The following OGT variants were observed in gnomAD, a reference collection of about 807,000 sequenced individuals.
OGT encodes UDP-N-acetylglucosamine--peptide N-acetylglucosaminyltransferase 110 kDa subunit.
Under a neutral mutation model 75.8 loss-of-function variants are expected in OGT, and 3 were observed. That is an observed-to-expected ratio of 0.04 (90% CI 0.02 to 0.10). The LOEUF is 0.10. OGT is among the 10% of genes least tolerant of loss of function. The probability of loss-of-function intolerance (pLI) is 1.00; values close to 1 mark genes in which losing one functional copy is unlikely to be tolerated. For synonymous variants in OGT, 257 were observed against 289.7 expected (o/e 0.89, Z 1.15); for missense variants, 260 against 824.4 (o/e 0.32, Z 8.38).
intron 4 of OGT, chrX:71,547,035 G>C (rs1355658345): frequency 4.0e-6 from 3 of 753,547 alleles, no homozygotes; most frequent in Non-Finnish European, 3.1e-6. Context: ...GTTCTATGTA[G>C]CGCAGCAGTT....
Position 71,567,907 on chromosome X carries a change from C to T in OGT, c.2843-86C>T, listed in dbSNP as rs190025905. The T allele has an allele frequency of 8.7e-5, 95 of 1,097,584 alleles. No individual in the cohort carries two copies. In the Admixed American group the frequency reaches 2.3e-3, roughly 26 times the overall value. The allele number at this position is 1,097,584 out of a possible 1,213,427, so 90.5% of individuals were successfully genotyped here. On this transcript the variant is annotated intron_variant, in intron 20 of 21. Coordinates refer to ENST00000373719, the MANE Select transcript of OGT (RefSeq NM_181672.3). ...GTTCTCACTTCATTCTCTTCATCTG[C>T]GTTGTGTGGAGGCTTAACATAAATA...
At chrX:71,560,744 CTT>C (rs1453028706) in intron 14 of OGT, among the ~76,000 whole-genome samples, 3 of 111,439 alleles carry the variant, frequency 2.7e-5, no homozygotes, top group East Asian at 5.6e-4. Context: ...CAGTTGGACT[CTT>C]TGTGACCAAG....
chrX:71,568,745 T>C (rs1023904847), intron 21 of OGT, among the ~76,000 whole-genome samples: 4 of 109,798 alleles, frequency 3.6e-5, no homozygotes, highest in Non-Finnish European at 5.7e-5. Flanking sequence ...GGAGAATCGC[T>C]TGAACCCGGG....
At chrX:71,550,448 A>G (rs774365440) in intron 5 of OGT, among the ~76,000 whole-genome samples, 1 of 111,305 alleles carries the variant, frequency 9.0e-6, no homozygotes, top group South Asian at 3.8e-4. Context: ...CAGTGGCGCC[A>G]TAATAGCTCA....
At position 71,540,137 on chromosome X, in the gene OGT, A is replaced by G. The variant is rs1322960654; in HGVS notation, c.462+2065A>G. On this transcript the variant is annotated intron_variant, in intron 3 of 21. Transcript: ENST00000373719. Reference sequence around the variant, plus strand: ...TTCTTCTAGTGGAAGGTGCTGCTTTACTTATTTATTACTGTTTTTACCAAT... The same window carrying G: ...TTCTTCTAGTGGAAGGTGCTGCTTTGCTTATTTATTACTGTTTTTACCAAT... Among the ~76,000 whole-genome samples, 6 of 112,476 alleles carry G rather than the reference A, an allele frequency of 5.3e-5. No homozygotes were observed. The Admixed American group carries it at 5.7e-4, about 11-fold the overall frequency.
At chrX:71,560,486 C>T (rs1602150956) in intron 14 of OGT, among the ~76,000 whole-genome samples, 1 of 110,203 alleles carries the variant, frequency 9.1e-6, no homozygotes, top group East Asian at 2.9e-4. Context: ...CTCTATTAGC[C>T]ACTTTGACTA....
chrX:71,544,260 G>T (rs2040244804), intron 3 of OGT, among the ~76,000 whole-genome samples: 1 of 111,933 alleles, frequency 8.9e-6, no homozygotes, highest in South Asian at 3.6e-4. Context: ...GTCTGGAGCA[G>T]CACCTTTTAG....
chrX:71,555,470 C>A (rs1436661773), intron 7 of OGT, 85 bp downstream of exon 7: 2 of 888,222 alleles, frequency 2.3e-6, no homozygotes, highest in Non-Finnish European at 3.2e-6. Flanking sequence ...ACTTGTAATG[C>A]CAGCACTTCG....
chrX:71,541,701 G>T (rs1448260213), intron 3 of OGT, among the ~76,000 whole-genome samples: 1 of 110,784 alleles, frequency 9.0e-6, no homozygotes, highest in Non-Finnish European at 1.9e-5. Flanking sequence ...GATTTATAAA[G>T]AATAGAGAGG....
chrX:71,553,252 C>T (rs775078873), intron 5 of OGT, among the ~76,000 whole-genome samples: 315 of 111,005 alleles, frequency 2.8e-3, no homozygotes, highest in Non-Finnish European at 5.1e-3. Context: ...CCACCATGCC[C>T]GGCTAATTTT....
intron 21 of OGT, 75 bp from the exon 22 acceptor site, chrX:71,573,545 A>G: frequency 2.1e-6 from 2 of 935,500 alleles, no homozygotes; most frequent in Non-Finnish European, 2.9e-6. Flanking sequence ...CACAAATGCG[A>G]CTAGGTATTT....
At chrX:71,556,353 G>A (rs1231221307) in intron 8 of OGT, 1 of 383,548 alleles carries the variant, frequency 2.6e-6, no homozygotes, top group African/African-American at 2.5e-5. Context: ...TTCAAGAGAA[G>A]TTACTTATAA....
rs995295386 is a variant in OGT at position 71,559,253 on chromosome X, G to A, written c.1603-14G>A. ...ATGTAGATTTTACTAACAAGCATTG[G>A]ATTCTGTTGATAGATTAATGTTCTT... On this transcript the variant is annotated splice_polypyrimidine_tract_variant and intron_variant, in intron 12 of 21. Transcript: ENST00000373719. The A allele has an allele frequency of 1.7e-6, 2 of 1,195,295 alleles. No individual in the cohort carries two copies. Among genetic ancestry groups the A allele is most frequent in the Non-Finnish European group, 2.3e-6 (2 of 886,617 alleles).
At chrX:71,557,775 A>G in intron 12 of OGT, 103 bp downstream of exon 12, 3 of 729,239 alleles carry the variant, frequency 4.1e-6, no homozygotes, top group South Asian at 6.2e-5. Flanking sequence ...TAAAGTGAAC[A>G]CCACCCAAGT....
intron 21 of OGT, 32 bp downstream of exon 21, chrX:71,568,148 GGTAAA>G (rs1161307314): frequency 8.9e-7 from 1 of 1,128,799 alleles, no homozygotes; most frequent in Non-Finnish European, 1.2e-6. Flanking sequence ...CAAATTATTT[GGTAAA>G]GTAGAGAGAA....
chrX:71,537,865 C>T lies in OGT; in HGVS notation c.255C>T (p.Asn85=), dbSNP rs1463640034. The T allele has an allele frequency of 8.3e-7, 1 of 1,211,692 alleles. No individual in the cohort carries two copies. The highest frequency in any genetic ancestry group is 1.8e-5 in the South Asian group (1 of 57,015). Residue 85 remains asparagine (N), a synonymous_variant, in exon 3 of 22, where the codon AAC becomes AAT. Transcript: ENST00000373719. ...TTAGCACTCTGGCAATTAAACAGAA[C>T]CCCCTTCTGGCAGAAGCTTATTCGA... ...AHFSTLAIKQ[N]PLLAEAYSNL... is the part of the protein sequence containing the mutation.
At chrX:71,562,310 T>G (rs1180255035) in intron 15 of OGT, among the ~76,000 whole-genome samples, 1 of 112,187 alleles carries the variant, frequency 8.9e-6, no homozygotes, top group Admixed American at 9.4e-5. Context: ...TACAAAAAAT[T>G]AAAAAATTAG....
rs1279853328 is a variant in OGT, at chrX:71,557,514, T to C, written c.1444T>C (p.Tyr482His). 8.3e-7 allele frequency: 1 copy of C among 1,209,037 alleles called. No individual in the cohort carries two copies. The highest frequency in any genetic ancestry group is 1.1e-6 in the Non-Finnish European group (1 of 894,574). The change falls in exon 12 of 22, where the codon TAT becomes CAT. Residue 482 changes from tyrosine to histidine, a missense_variant. By Grantham distance (83) the Tyr-to-His change is moderately conservative (BLOSUM62 2). Around this residue, in one of 6 missense-constraint regions of OGT, gnomAD observed 99 missense variants for 417.9 expected, o/e 0.24. Transcript: ENST00000373719. ...CTAGATTGTCTGTGATTGGACAGAC[T>C]ATGATGAGCGAATGAAGAAGTTGGT... ...CLQIVCDWTD[Y>H]DERMKKLVSI...
chrX:71,570,285 C>A (rs1602157916), intron 21 of OGT, among the ~76,000 whole-genome samples: 1 of 110,824 alleles, frequency 9.0e-6, no homozygotes, highest in Admixed American at 9.6e-5. Flanking sequence ...GTGATCCACC[C>A]ACCTTGGCCT....
Sources: allele counts gnomAD v4.1 joint callset (sites outside exome capture counted in the v4.1 genomes callset), GRCh38; gene constraint gnomAD v4.1.1; regional missense constraint gnomAD v4.1.1; transcripts MANE v1.5; gene names NCBI Gene and HGNC (gene_info 2026-07-23, HGNC 2026-07-21).